Variants in RNF213 observed in about 807,000 individuals in gnomAD.
RNF213 encodes ring finger protein 213.
Under a neutral mutation model 514.4 loss-of-function variants are expected in RNF213, and 341 were observed. The ratio of observed to expected loss-of-function variants is 0.66; its 90% CI spans 0.61 to 0.73. RNF213 has a LOEUF of 0.73. Among genes scored for constraint, RNF213 ranks in the 30% least tolerant of loss-of-function variants. The probability of loss-of-function intolerance (pLI) is 0.00; values close to 1 mark genes in which losing one functional copy is unlikely to be tolerated. For synonymous variants in RNF213, 2,655 were observed against 2,658.2 expected, an observed-to-expected ratio of 1.00 and a Z score of 0.04; for missense variants, 5,767 against 6,615.6, an observed-to-expected ratio of 0.87 and a Z score of 4.45.
intron 3 of RNF213, among the ~76,000 whole-genome samples, chr17:80,279,994 G>A (rs113402224): frequency 1.1e-3 from 166 of 152,274 alleles, no homozygotes; most frequent in African/African-American, 3.8e-3. Flanking sequence ...CCTGCCCATC[G>A]AGATGGTCAT....
chr17:80,369,947 TGTC>T lies in RNF213; in HGVS notation c.12425+83_12425+85del, dbSNP rs1233210534. 18 of 968,582 alleles carry T rather than the reference TGTC, an allele frequency of 1.9e-5. No individual in the cohort carries two copies. The East Asian group carries it at 4.3e-4, about 23-fold the overall frequency. 60.0% of individuals were successfully genotyped at this position (968,582 alleles called of 1,614,324 possible). A position where few individuals can be genotyped will look rare whatever the true frequency, so the allele number is the denominator to read the frequency against. On this transcript the variant is annotated intron_variant, in intron 46 of 67. Transcript: ENST00000582970. ...GCAGCGTTTTGTTACCAAGTCTTCT[TGTC>T]GTGACTAGTAGCTAGTACATGATCT...
intron 21 of RNF213, among the ~76,000 whole-genome samples, chr17:80,333,273 G>C (rs2046468918): frequency 6.6e-6 from 1 of 150,716 alleles, no homozygotes; most frequent in Non-Finnish European, 1.5e-5. Context: ...TGTTAGCCAG[G>C]ATGGTCTCGA....
At chr17:80,387,078 G>A (rs2080267249) in intron 63 of RNF213, among the ~76,000 whole-genome samples, 187 bp downstream of exon 63, 1 of 152,226 alleles carries the variant, frequency 6.6e-6, no homozygotes, top group Non-Finnish European at 1.5e-5. Context: ...GCTCTCCTGA[G>A]CCCTCTCCTG....
chr17:80,270,380 C>T (rs1305601042), intron 2 of RNF213, among the ~76,000 whole-genome samples: 2 of 152,246 alleles, frequency 1.3e-5, no homozygotes, highest in African/African-American at 4.8e-5. Context: ...GATTCCCAGC[C>T]ACTAGCCTGC....
intron 54 of RNF213, among the ~76,000 whole-genome samples, chr17:80,378,074 A>T (rs2079834359): frequency 2.0e-5 from 3 of 152,200 alleles, no homozygotes; most frequent in Admixed American, 1.3e-4. Flanking sequence ...GAGTCCCTGG[A>T]TGCCAGGAGC....
chr17:80,275,227 C>A (rs542128731), intron 3 of RNF213, among the ~76,000 whole-genome samples: 5 of 151,108 alleles, frequency 3.3e-5, no homozygotes, highest in Non-Finnish European at 5.9e-5. Context: ...TTGTGTCATT[C>A]CCTTGGAGAA....
intron 1 of RNF213, among the ~76,000 whole-genome samples, chr17:80,261,707 G>A (rs891157899): frequency 2.0e-5 from 3 of 152,208 alleles, no homozygotes; most frequent in Non-Finnish European, 4.4e-5. Context: ...CCGGCCCCTA[G>A]AGCAGATGGA....
At chr17:80,268,796 T>C (rs2043700286) in intron 2 of RNF213, among the ~76,000 whole-genome samples, 1 of 152,186 alleles carries the variant, frequency 6.6e-6, no homozygotes, top group Admixed American at 6.5e-5. Flanking sequence ...ATAGGATCTA[T>C]GTCTGTAAGA....
At chr17:80,383,552 C>A in intron 58 of RNF213, 125 bp from the exon 59 acceptor site, 1 of 938,000 alleles carries the variant, frequency 1.1e-6, no homozygotes, top group Non-Finnish European at 1.7e-6. Flanking sequence ...TACCTGATTA[C>A]ATGCTCAGAG....
chr17:80,337,224 G>A (rs2078011847), intron 23 of RNF213, among the ~76,000 whole-genome samples: 1 of 152,236 alleles, frequency 6.6e-6, no homozygotes, highest in African/African-American at 2.4e-5. Context: ...CCCCCAGAGG[G>A]TTCTCTGCAT....
intron 13 of RNF213, among the ~76,000 whole-genome samples, chr17:80,307,429 T>C (rs1320096625): frequency 7.0e-6 from 1 of 142,668 alleles, no homozygotes; most frequent in Non-Finnish European, 1.5e-5. Context: ...AGTGACGCAA[T>C]CTTAGCTCAC....
intron 2 of RNF213, among the ~76,000 whole-genome samples, chr17:80,272,869 A>C (rs533800296): frequency 5.3e-5 from 8 of 152,194 alleles, no homozygotes; most frequent in Non-Finnish European, 1.0e-4. Context: ...CCTGGGGAAG[A>C]CAGGAGGAAT....
chr17:80,309,635 G>A (rs117015282), intron 14 of RNF213, among the ~76,000 whole-genome samples: 4 of 152,204 alleles, frequency 2.6e-5, no homozygotes, highest in East Asian at 1.9e-4. Context: ...AGGCCATAGC[G>A]CCACACATCT....
intron 3 of RNF213, among the ~76,000 whole-genome samples, chr17:80,275,831 T>C (rs2044031030): frequency 6.6e-6 from 1 of 151,706 alleles, no homozygotes; most frequent in African/African-American, 2.4e-5. Flanking sequence ...CCTGGCTAAT[T>C]TTTTGTATTT....
rs368929895 is a variant in RNF213, at chr17:80,289,682, C to T, written c.957C>T (p.Asp319=). The T allele has an allele frequency of 5.7e-5, 92 of 1,613,406 alleles. No individual in the cohort carries two copies. Among genetic ancestry groups the T allele is most frequent in the Non-Finnish European group, 7.1e-5 (84 of 1,180,002 alleles). ...HCQEAETKTK[D]EMAAAEEKVG... is the part of the protein sequence containing the mutation. ...AGGAAGCTGAGACCAAGACCAAGGA[C>T]GAGATGGCTGCTGCTGAAGAAAAAG... The change falls in exon 6 of 68, where the codon GAC becomes GAT. Residue 319 remains aspartate, a synonymous_variant. Transcript: ENST00000582970.
chr17:80,383,543 A>G (rs1275628903), intron 58 of RNF213, 134 bp from the exon 59 acceptor site: 1 of 859,080 alleles, frequency 1.2e-6, no homozygotes, highest in Non-Finnish European at 1.9e-6. Context: ...CAAAGGGAAT[A>G]CCTGATTACA....
intron 50 of RNF213, among the ~76,000 whole-genome samples, chr17:80,375,430 G>A (rs1045124291): frequency 6.6e-6 from 1 of 152,042 alleles, no homozygotes; most frequent in Non-Finnish European, 1.5e-5. Context: ...CAGCGGTGCG[G>A]GGGCGTCTAT....
chr17:80,363,434 T>A, intron 40 of RNF213, 120 bp downstream of exon 40: 1 of 1,221,008 alleles, frequency 8.2e-7, no homozygotes, highest in Non-Finnish European at 1.2e-6. Flanking sequence ...GCACATACCT[T>A]AGCTGAATTC....
intron 3 of RNF213, among the ~76,000 whole-genome samples, chr17:80,274,525 G>A (rs1055111439): frequency 2.4e-5 from 3 of 125,896 alleles, no homozygotes; most frequent in African/African-American, 6.2e-5. Flanking sequence ...GTCGTTCCTT[G>A]TAGGTGGCAC....
Sources: allele counts gnomAD v4.1 joint callset (sites outside exome capture counted in the v4.1 genomes callset), GRCh38; gene constraint gnomAD v4.1.1; transcripts MANE v1.5; gene names NCBI Gene and HGNC (gene_info 2026-07-23, HGNC 2026-07-21).